BIN3: variants seen among roughly 807,000 people sequenced by gnomAD.
BIN3 encodes bridging integrator 3.
In BIN3, 41 loss-of-function variants were observed where a neutral mutation model predicts 38.2. The observed-to-expected ratio is 1.07, with a 90% confidence interval of 0.84 to 1.39. The LOEUF (loss-of-function observed/expected upper bound fraction) is 1.39, where lower values mean the gene tolerates loss of function less well. BIN3 is among the 40% of genes most tolerant of loss of function. BIN3 has a pLI of 0.00. For missense variants in BIN3, 361 were observed against 324.3 expected (o/e 1.11, Z -0.87); for synonymous variants, 145 against 122.6 (o/e 1.18, Z -1.21).
chr8:22,634,282 T>A (rs1802297076), intron 4 of BIN3: 1 of 306,972 alleles, frequency 3.3e-6, no homozygotes, highest in Non-Finnish European at 6.5e-6. Context: ...CACACATAGT[T>A]TGGCAACGCT....
intron 4 of BIN3, among the ~76,000 whole-genome samples, chr8:22,631,036 A>T (rs969620320): frequency 3.0e-4 from 46 of 152,160 alleles, no homozygotes; most frequent in Admixed American, 2.9e-3. Flanking sequence ...CCAACAGTAA[A>T]TATTTCAGGC....
At chr8:22,625,537 G>T in intron 6 of BIN3, 1 of 651,062 alleles carries the variant, frequency 1.5e-6, no homozygotes, top group Non-Finnish European at 2.8e-6. Context: ...GGTTCCAGGA[G>T]CTCAGCTACC....
chr8:22,640,231 G>A (rs574878940), intron 2 of BIN3, among the ~76,000 whole-genome samples: 41 of 151,564 alleles, frequency 2.7e-4, no homozygotes, highest in East Asian at 1.8e-3. Context: ...AGACTGGAGC[G>A]CGGTGGCACA....
At chr8:22,632,205 G>A (rs942299322) in intron 4 of BIN3, among the ~76,000 whole-genome samples, 3 of 152,210 alleles carry the variant, frequency 2.0e-5, no homozygotes, top group Non-Finnish European at 2.9e-5. Context: ...ATGACATAAG[G>A]TCTGCCTCCC....
chr8:22,663,807 T>C (rs1386931617), intron 1 of BIN3, among the ~76,000 whole-genome samples: 2 of 152,196 alleles, frequency 1.3e-5, no homozygotes, highest in East Asian at 3.9e-4. Flanking sequence ...CTTACCTGGA[T>C]CCTTCTCTCC....
rs572178358 is a variant in BIN3, at chr8:22,647,678, C to T, written c.9-2875G>A. Among the ~76,000 whole-genome samples the T allele has an allele frequency of 5.5e-4, 83 of 152,276 alleles. No homozygotes were observed. In the South Asian group the frequency reaches 0.017, roughly 30 times the overall value. On this transcript the variant is annotated intron_variant, in intron 1 of 8. Transcript: ENST00000276416. Reference sequence around the variant, plus strand: ...CTGGCACAATAAGAGGTTATGTACACCACGCAGACGGAACAGCTCTTTCCT... The same window carrying T: ...CTGGCACAATAAGAGGTTATGTACATCACGCAGACGGAACAGCTCTTTCCT...
At chr8:22,656,711 T>C (rs538137171) in intron 1 of BIN3, among the ~76,000 whole-genome samples, 3 of 152,356 alleles carry the variant, frequency 2.0e-5, no homozygotes, top group African/African-American at 7.2e-5. Context: ...TAAGAAAATA[T>C]CTTTCTGTTC....
chr8:22,639,863 T>TTA (rs961493203), intron 2 of BIN3, among the ~76,000 whole-genome samples: 1 of 149,214 alleles, frequency 6.7e-6, no homozygotes, highest in Admixed American at 6.6e-5. Flanking sequence ...TAGACACACT[T>TTA]TTTTTTTTTT....
At chr8:22,629,691 T>C in intron 6 of BIN3, 2 of 547,818 alleles carry the variant, frequency 3.7e-6, no homozygotes, top group Non-Finnish European at 6.6e-6. Flanking sequence ...AGCGGTCAAA[T>C]GACCACCAGA....
chr8:22,658,068 A>C (rs1013100265), intron 1 of BIN3, among the ~76,000 whole-genome samples: 6 of 152,216 alleles, frequency 3.9e-5, no homozygotes, highest in African/African-American at 1.2e-4. Flanking sequence ...TGCTCCCCAG[A>C]GCGTCTCTGA....
chr8:22,667,915 A>C (rs1803477557), intron 1 of BIN3, among the ~76,000 whole-genome samples: 1 of 152,220 alleles, frequency 6.6e-6, no homozygotes, highest in Non-Finnish European at 1.5e-5. Context: ...GGCCAAAATT[A>C]AGCTTCAAAA....
At chr8:22,627,644 C>T (rs540211795) in intron 6 of BIN3, among the ~76,000 whole-genome samples, 5 of 130,522 alleles carry the variant, frequency 3.8e-5, no homozygotes, top group African/African-American at 1.1e-4. Flanking sequence ...GCTGTTCCAG[C>T]GCACTTCACC....
At chr8:22,629,260 G>A (rs1802102269) in intron 6 of BIN3, among the ~76,000 whole-genome samples, 1 of 152,214 alleles carries the variant, frequency 6.6e-6, no homozygotes, top group African/African-American at 2.4e-5. Context: ...GAAGAGGCAA[G>A]GAAGTGCAGC....
Position 22,624,414 on chromosome 8 carries a change from G to C in BIN3, c.339-51C>G, listed in dbSNP as rs1056751030. On this transcript the variant is annotated intron_variant, in intron 6 of 8. Transcript: ENST00000276416. ...GGCCCGTTCTTGAAGGGGTGGCCTG[G>C]CTGGAGATGGGTCTGCTCTTGGAGG... The C allele has an allele frequency of 6.9e-6, 11 of 1,588,816 alleles. No homozygotes were observed. In the African/African-American group the frequency reaches 1.5e-4, roughly 21 times the overall value.
chr8:22,624,519 A>G, intron 6 of BIN3, 156 bp from the exon 7 acceptor site: 1 of 943,162 alleles, frequency 1.1e-6, no homozygotes, highest in South Asian at 1.7e-5. Context: ...TGCCCTGAGC[A>G]CCTACCAAGC....
At chr8:22,633,836 G>A (rs66473973) in intron 4 of BIN3, among the ~76,000 whole-genome samples, 10,449 of 152,296 alleles carry the variant, frequency 0.069, 471 homozygotes, top group Non-Finnish European at 0.098. Context: ...CCGTACATGA[G>A]ACTGATGTGG....
chr8:22,655,673 G>A (rs1803033878), intron 1 of BIN3, among the ~76,000 whole-genome samples: 1 of 152,132 alleles, frequency 6.6e-6, no homozygotes, highest in South Asian at 2.1e-4. Flanking sequence ...CTGTAGCTTT[G>A]TAGTATTAAG....
At chr8:22,652,831 C>G (rs1470153460) in intron 1 of BIN3, among the ~76,000 whole-genome samples, 3 of 152,164 alleles carry the variant, frequency 2.0e-5, no homozygotes, top group African/African-American at 7.2e-5. Flanking sequence ...CTATCTTTGT[C>G]TCCCTACATT....
At chr8:22,635,867 C>A (rs1314367674) in intron 4 of BIN3, among the ~76,000 whole-genome samples, 1 of 152,154 alleles carries the variant, frequency 6.6e-6, no homozygotes, top group Non-Finnish European at 1.5e-5. Context: ...GGGACATGGC[C>A]TGCAGCAAGG....
Sources: gnomAD v4.1 joint callset for allele counts (sites outside exome capture counted in the v4.1 genomes callset) on GRCh38, gnomAD v4.1.1 for gene constraint, MANE v1.5 for transcripts, NCBI Gene and HGNC (gene_info 2026-07-23, HGNC 2026-07-21) for gene names.